The following PANK1 variants were observed in gnomAD, a reference collection of about 807,000 sequenced individuals.
PANK1 encodes pantothenate kinase 1, also known as pantothenic acid kinase 1.
Under a neutral mutation model 40.1 loss-of-function variants are expected in PANK1, and 18 were observed. That is an observed-to-expected ratio of 0.45 (90% CI 0.31 to 0.67). The LOEUF is 0.67. PANK1 is among the 30% of genes least tolerant of loss of function. PANK1 has a pLI of 0.06. For missense variants in PANK1, 457 were observed against 599.6 expected (o/e 0.76, Z 2.48); for synonymous variants, 242 against 237.7 (o/e 1.02, Z -0.17).
At chr10:89,590,182 G>A (rs565425776) in intron 5 of PANK1, among the ~76,000 whole-genome samples, 10 of 151,760 alleles carry the variant, frequency 6.6e-5, no homozygotes, top group East Asian at 1.9e-4. Context: ...AAATTTATTC[G>A]GGGAAAAACA....
chr10:89,601,498 A>G (rs1038219772), intron 2 of PANK1, among the ~76,000 whole-genome samples: 3 of 152,082 alleles, frequency 2.0e-5, no homozygotes, highest in African/African-American at 7.2e-5. Flanking sequence ...AAACAAAAAA[A>G]GAGCTAAAAC....
At chr10:89,585,183 T>A (rs1844160617) in intron 6 of PANK1, among the ~76,000 whole-genome samples, 1 of 152,150 alleles carries the variant, frequency 6.6e-6, no homozygotes. Flanking sequence ...CACATTGTAA[T>A]CTCACATGGC....
intron 1 of PANK1, among the ~76,000 whole-genome samples, chr10:89,621,343 T>C (rs986827210): frequency 3.9e-4 from 59 of 152,056 alleles, no homozygotes; most frequent in African/African-American, 1.4e-3. Context: ...AATTGTGTAA[T>C]GAATTATCTC....
intron 1 of PANK1, among the ~76,000 whole-genome samples, chr10:89,638,917 T>C (rs977185252): frequency 2.0e-5 from 3 of 151,836 alleles, no homozygotes; most frequent in Non-Finnish European, 2.9e-5. Flanking sequence ...GCTCTGTTCA[T>C]AGCAACATAG....
At chr10:89,620,730 C>T (rs1228976404) in intron 1 of PANK1, among the ~76,000 whole-genome samples, 1 of 152,154 alleles carries the variant, frequency 6.6e-6, no homozygotes, top group Non-Finnish European at 1.5e-5. Context: ...CCCCCTTCCC[C>T]TTTTGAAACC....
At chr10:89,633,962 T>C (rs1219345310) in intron 1 of PANK1, among the ~76,000 whole-genome samples, 1 of 152,148 alleles carries the variant, frequency 6.6e-6, no homozygotes, top group East Asian at 1.9e-4. Context: ...AGAATATTGG[T>C]CTTGGTTCTT....
intron 6 of PANK1, among the ~76,000 whole-genome samples, chr10:89,588,352 C>T (rs892188905): frequency 2.6e-5 from 4 of 152,126 alleles, no homozygotes; most frequent in African/African-American, 9.7e-5. Context: ...ACTGCTGGAT[C>T]ATATGGTAAT....
At chr10:89,626,095 G>T (rs1030001381) in intron 1 of PANK1, 2 of 152,172 alleles carry the variant, frequency 1.3e-5, no homozygotes, top group South Asian at 2.1e-4. Context: ...CTGCTTCAGG[G>T]GTTAAGGAGA....
In PANK1 at chr10:89,599,500, A is replaced by T; in HGVS notation, c.651T>A (p.Ala217=). The T allele has an allele frequency of 6.2e-7, 1 of 1,612,612 alleles. No homozygotes were observed. The highest frequency in any genetic ancestry group is 8.5e-7 in the Non-Finnish European group (1 of 1,179,144). The change falls in exon 3 of 7, where the codon GCT becomes GCA. Residue 217 remains alanine, a synonymous_variant. Transcript: ENST00000307534. The part of the protein sequence containing the change: ...FKFEEDFRMI[A]DLQLHKLDEL... ...CATCCAGTTTATGCAGCTGCAGGTC[A>T]GCAATCTAAAACAAAACACACAACA...
At position 89,612,984 on chromosome 10, in the gene PANK1, T is replaced by C. The variant is rs559246722; in HGVS notation, c.293-936A>G. On this transcript the variant is annotated intron_variant, in intron 1 of 6. Coordinates refer to ENST00000307534, the MANE Select transcript of PANK1 (RefSeq NM_148977.3). ...AAAGGCATGCCTCTAGGTGAAAGTA[T>C]ACTTAATGTGCTTGTGATGCTTATC... is the stretch of plus-strand genomic sequence containing the variant. 1.0e-3 allele frequency among the ~76,000 whole-genome samples: 154 copies of C among 152,330 alleles called. 1 individual carries two copies. In the Middle Eastern group the frequency reaches 0.01, roughly 10 times the overall value.
chr10:89,636,298 G>A (rs1232973310), intron 1 of PANK1, among the ~76,000 whole-genome samples: 1 of 151,830 alleles, frequency 6.6e-6, no homozygotes, highest in Admixed American at 6.6e-5. Flanking sequence ...TCTAGCTGGA[G>A]AAAGCCATGC....
At chr10:89,630,094 T>C (rs1215210876) in intron 1 of PANK1, among the ~76,000 whole-genome samples, 1 of 152,226 alleles carries the variant, frequency 6.6e-6, no homozygotes, top group Non-Finnish European at 1.5e-5. Context: ...CAAGAAAATA[T>C]GTCTAAGCCT....
chr10:89,634,111 A>G (rs1841732781), intron 1 of PANK1, among the ~76,000 whole-genome samples: 1 of 152,234 alleles, frequency 6.6e-6, no homozygotes, highest in African/African-American at 2.4e-5. Context: ...ACAGATTTTG[A>G]GTTAGTATAA....
chr10:89,629,659 G>C (rs975277413), intron 1 of PANK1, among the ~76,000 whole-genome samples: 8 of 152,186 alleles, frequency 5.3e-5, no homozygotes, highest in African/African-American at 1.9e-4. Context: ...GAACAGTGAT[G>C]CTTGTTCAAC....
intron 1 of PANK1, among the ~76,000 whole-genome samples, chr10:89,636,665 A>G (rs1373648645): frequency 6.6e-6 from 1 of 151,232 alleles, no homozygotes; most frequent in Non-Finnish European, 1.5e-5. Context: ...GTTAGCCAGG[A>G]TGGTCTCGAT....
chr10:89,591,611 C>A (rs1844389710), intron 5 of PANK1, among the ~76,000 whole-genome samples: 2 of 152,180 alleles, frequency 1.3e-5, no homozygotes, highest in Non-Finnish European at 2.9e-5. Context: ...CACTGGGAGT[C>A]TGCACTGACT....
At chr10:89,613,882 T>C (rs913567058) in intron 1 of PANK1, 3 of 433,566 alleles carry the variant, frequency 6.9e-6, no homozygotes, top group Non-Finnish European at 1.4e-5. Flanking sequence ...TCGGAACATC[T>C]GCTTCCCTGA....
intron 1 of PANK1, among the ~76,000 whole-genome samples, chr10:89,613,710 C>T (rs963627401): frequency 6.6e-6 from 1 of 152,216 alleles, no homozygotes. Flanking sequence ...TTGGGAAACT[C>T]GCTTGTCCTA....
Position 89,645,092 on chromosome 10 carries a change from G to A in PANK1, c.-201C>T, listed in dbSNP as rs1589829362. On this transcript the variant is annotated 5_prime_UTR_variant, in exon 1 of 7. Transcript: ENST00000307534. ...ACCTCCTCTGCGCCCTGCCCCCCGC[G>A]CGCCGGCCCCACGGCGCCGGCCTGG... 5 of 1,489,522 alleles carry A rather than the reference G, an allele frequency of 3.4e-6. No individual in the cohort carries two copies. In the East Asian group the frequency reaches 1.1e-4, roughly 34 times the overall value. 92.3% of individuals were successfully genotyped at this position (1,489,522 alleles called of 1,614,324 possible).
Sources: allele counts gnomAD v4.1 joint callset (sites outside exome capture counted in the v4.1 genomes callset), GRCh38; gene constraint gnomAD v4.1.1; transcripts MANE v1.5; gene names NCBI Gene and HGNC (gene_info 2026-07-23, HGNC 2026-07-21).